The following IMMP2L variants were observed in gnomAD, a reference collection of about 807,000 sequenced individuals.
The protein encoded by IMMP2L is inner mitochondrial membrane peptidase subunit 2, also known as mitochondrial inner membrane protease subunit 2.
Under a neutral mutation model 19.3 loss-of-function variants are expected in IMMP2L, and 18 were observed. The ratio of observed to expected loss-of-function variants is 0.93; its 90% confidence interval spans 0.64 to 1.38. The LOEUF (loss-of-function observed/expected upper bound fraction) is 1.38, where lower values mean the gene tolerates loss of function less well. IMMP2L is among the 40% of genes most tolerant of loss of function. The probability of loss-of-function intolerance (pLI) is 0.00; values close to 1 mark genes in which losing one functional copy is unlikely to be tolerated. For synonymous variants in IMMP2L, 76 were observed against 73.0 expected, an observed-to-expected ratio of 1.04 and a Z score of -0.21; for missense variants, 233 against 218.2, an observed-to-expected ratio of 1.07 and a Z score of -0.43.
chr7:111,125,561 T>A (rs755406381), intron 3 of IMMP2L: 7 of 160,962 alleles, frequency 4.3e-5, no homozygotes, highest in Non-Finnish European at 7.3e-5. Context: ...GTGATGGGAC[T>A]ACCTACATTT....
intron 3 of IMMP2L, among the ~76,000 whole-genome samples, chr7:111,352,503 C>T (rs1336199382): frequency 6.6e-6 from 1 of 151,808 alleles, no homozygotes; most frequent in East Asian, 1.9e-4. Flanking sequence ...GCCACTGTGC[C>T]TGGTCATACT....
At chr7:110,890,768 A>T (rs1810710068) in intron 4 of IMMP2L, among the ~76,000 whole-genome samples, 1 of 152,188 alleles carries the variant, frequency 6.6e-6, no homozygotes, top group South Asian at 2.1e-4. Flanking sequence ...AGGCATTTTT[A>T]GTACTACCTT....
chr7:111,315,461 C>G (rs928021263), intron 3 of IMMP2L, among the ~76,000 whole-genome samples: 5 of 151,636 alleles, frequency 3.3e-5, no homozygotes, highest in Non-Finnish European at 5.9e-5. Context: ...AAAGTGAAGA[C>G]AGAAACGACA....
At chr7:110,929,758 T>C (rs1373256548) in intron 4 of IMMP2L, among the ~76,000 whole-genome samples, 2 of 152,192 alleles carry the variant, frequency 1.3e-5, no homozygotes, top group Non-Finnish European at 2.9e-5. Context: ...TCAAAATGAT[T>C]AAATAACAAA....
intron 5 of IMMP2L, among the ~76,000 whole-genome samples, chr7:110,702,899 T>C (rs1794383717): frequency 6.6e-6 from 1 of 152,184 alleles, no homozygotes; most frequent in African/African-American, 2.4e-5. Context: ...CTCATTTCTT[T>C]TTCTTGTTGT....
chr7:111,481,383 C>G (rs1440062467), intron 3 of IMMP2L, among the ~76,000 whole-genome samples: 2 of 152,078 alleles, frequency 1.3e-5, no homozygotes. Flanking sequence ...TGAGGCACTT[C>G]AAGCCTTTGC....
chr7:110,753,141 T>C (rs1022793164), intron 5 of IMMP2L, among the ~76,000 whole-genome samples: 4 of 152,056 alleles, frequency 2.6e-5, no homozygotes, highest in Non-Finnish European at 4.4e-5. Context: ...AAGAAATCAC[T>C]GCAAATATTT....
At chr7:110,903,928 G>A (rs1812184095) in intron 4 of IMMP2L, among the ~76,000 whole-genome samples, 1 of 152,010 alleles carries the variant, frequency 6.6e-6, no homozygotes, top group Non-Finnish European at 1.5e-5. Flanking sequence ...ACAAGTGTGA[G>A]GTGGTATCTC....
chr7:110,814,762 T>C (rs879561022), intron 5 of IMMP2L, among the ~76,000 whole-genome samples: 2 of 150,626 alleles, frequency 1.3e-5, no homozygotes, highest in Admixed American at 1.3e-4. Flanking sequence ...TTTCTAATAA[T>C]TGATTGCTCA....
chr7:111,388,399 C>A (rs892882415), intron 3 of IMMP2L, among the ~76,000 whole-genome samples: 4 of 152,066 alleles, frequency 2.6e-5, no homozygotes, highest in African/African-American at 9.7e-5. Flanking sequence ...GAAGAATAAA[C>A]CCTGTCGTTT....
chr7:111,304,491 A>G (rs1822608379), intron 3 of IMMP2L, among the ~76,000 whole-genome samples: 1 of 151,988 alleles, frequency 6.6e-6, no homozygotes, highest in South Asian at 2.1e-4. Context: ...TTGTGAGCCC[A>G]TAGGTGTGTA....
chr7:110,829,832 G>A (rs1437065934), intron 5 of IMMP2L, among the ~76,000 whole-genome samples: 1 of 152,150 alleles, frequency 6.6e-6, no homozygotes, highest in East Asian at 1.9e-4. Context: ...GAGGGCAGAA[G>A]AAATGTGTTT....
intron 5 of IMMP2L, among the ~76,000 whole-genome samples, chr7:110,810,032 T>A (rs929168476): frequency 6.6e-6 from 1 of 152,014 alleles, no homozygotes; most frequent in Non-Finnish European, 1.5e-5. Flanking sequence ...TGTAAAGGCT[T>A]CCTTCCTAAA....
At chr7:111,156,595 C>T (rs897033924) in intron 3 of IMMP2L, among the ~76,000 whole-genome samples, 5 of 152,072 alleles carry the variant, frequency 3.3e-5, no homozygotes, top group African/African-American at 1.2e-4. Flanking sequence ...CATGATATAT[C>T]TTTCCATTTA....
chr7:111,255,464 T>A (rs1472532213), intron 3 of IMMP2L, among the ~76,000 whole-genome samples: 2 of 152,094 alleles, frequency 1.3e-5, no homozygotes, highest in Admixed American at 1.3e-4. Flanking sequence ...GTATTTTTTT[T>A]TACAGAGAAG....
At chr7:110,816,837 T>C (rs545939831) in intron 5 of IMMP2L, among the ~76,000 whole-genome samples, 13 of 152,104 alleles carry the variant, frequency 8.5e-5, no homozygotes, top group Admixed American at 2.0e-4. Flanking sequence ...TCCTCCATCC[T>C]TTTATTTTGA....
intron 3 of IMMP2L, among the ~76,000 whole-genome samples, chr7:111,159,366 G>C (rs908650261): frequency 6.6e-6 from 1 of 152,044 alleles, no homozygotes; most frequent in South Asian, 2.1e-4. Context: ...CACCCACCTC[G>C]GCCTCCCAAA....
intron 3 of IMMP2L, among the ~76,000 whole-genome samples, chr7:111,221,575 CAG>C (rs1363897485): frequency 6.6e-6 from 1 of 151,860 alleles, no homozygotes; most frequent in African/African-American, 2.4e-5. Context: ...ATACGGTACA[CAG>C]GGGAAAATGT....
chr7:110,909,866 G>C (rs940116485), intron 4 of IMMP2L, among the ~76,000 whole-genome samples: 9 of 151,690 alleles, frequency 5.9e-5, no homozygotes, highest in African/African-American at 2.2e-4. Flanking sequence ...CTGTGAGTTA[G>C]AAAAGCATCA....
Sources: gnomAD v4.1 joint callset for allele counts (sites outside exome capture counted in the v4.1 genomes callset) on GRCh38, gnomAD v4.1.1 for gene constraint, MANE v1.5 for transcripts, NCBI Gene and HGNC (gene_info 2026-07-23, HGNC 2026-07-21) for gene names.